The following COL7A1 variants were observed in gnomAD, a reference collection of about 807,000 sequenced individuals.
COL7A1 encodes the protein collagen alpha-1(VII) chain.
Under a neutral mutation model 456.2 loss-of-function variants are expected in COL7A1, and 296 were observed. The observed-to-expected ratio is 0.65, with a 90% CI of 0.59 to 0.71. The LOEUF is 0.71. Among genes scored for constraint, COL7A1 ranks in the 30% least tolerant of loss-of-function variants. The pLI is 0.00. For missense variants in COL7A1, 3,441 were observed against 4,017.2 expected (o/e 0.86, Z 3.88); for synonymous variants, 1,464 against 1,525.9 (o/e 0.96, Z 0.95).
rs1416957608 is a variant in COL7A1, at chr3:48,566,609, AC to A, written c.8305-47del. ...CAGGCTGTGACCTCTGACCTCAGGG[AC>A]AACAGAAGTCACCCCGATCTCTGAC... On this transcript the variant is annotated intron_variant, in intron 112 of 118. Coordinates refer to ENST00000681320, the MANE Select transcript of COL7A1 (RefSeq NM_000094.4). This position sits in a 1 kb window ranked among gnomAD's most constrained non-coding sequence, Gnocchi z 5.9. The A allele has an allele frequency of 6.2e-7, 1 of 1,614,116 alleles. No homozygotes were observed. The highest frequency in any genetic ancestry group is 1.7e-5 in the Admixed American group (1 of 60,018).
Position 48,586,499 on chromosome 3 carries a change from G to C in COL7A1, c.3404-21C>G. 3 of 1,613,764 alleles carry C rather than the reference G, an allele frequency of 1.9e-6. No individual in the cohort carries two copies. The highest frequency in any genetic ancestry group is 2.2e-5 in the East Asian group (1 of 44,882). The stretch of plus-strand genomic sequence containing the variant: ...TGTGCCTGGAAGGAAGGACATGTCA[G>C]AACCCTGGGGCACCAAGCTCCCAGT... On this transcript the variant is annotated intron_variant, in intron 26 of 118. Coordinates refer to ENST00000681320, the MANE Select transcript of COL7A1 (RefSeq NM_000094.4). This position sits in a 1 kb window ranked among gnomAD's most constrained non-coding sequence, Gnocchi z 5.1.
In COL7A1 at chr3:48,590,899, G is replaced by A; in HGVS notation, c.1637-83C>T. On this transcript the variant is annotated intron_variant, in intron 13 of 118. Coordinates refer to ENST00000681320, the MANE Select transcript of COL7A1 (RefSeq NM_000094.4). The surrounding 1 kb of genome is among the most constrained non-coding windows in gnomAD (Gnocchi z 4.6). Reference sequence around the variant, plus strand: ...GATGGCAGTGATGGACAGGGACGCAGAGTGAGAAGGGCCATGGGGGTGGGG... The same window carrying A: ...GATGGCAGTGATGGACAGGGACGCAAAGTGAGAAGGGCCATGGGGGTGGGG... The A allele has an allele frequency of 1.5e-6, 2 of 1,339,260 alleles. No homozygotes were observed. The highest frequency in any genetic ancestry group is 2.1e-6 in the Non-Finnish European group (2 of 960,694). The allele number at this position is 1,339,260 out of a possible 1,614,324, so 83.0% of individuals were successfully genotyped here. A position where few individuals can be genotyped will look rare whatever the true frequency, so the allele number is the denominator to read the frequency against.
Position 48,569,998 on chromosome 3 carries a change from G to A in COL7A1, c.7486-83C>T. On this transcript the variant is annotated intron_variant, in intron 99 of 118. Transcript: ENST00000681320. The surrounding 1 kb of genome is among the most constrained non-coding windows in gnomAD (Gnocchi z 4.9). ...GGATCAGGGGGAGGAGGGAAACAGT[G>A]GGGACCAGACAAAGGGGACAGGGGT... 2 of 1,603,242 alleles carry A rather than the reference G, an allele frequency of 1.2e-6. No homozygotes were observed. The highest frequency in any genetic ancestry group is 2.7e-5 in the African/African-American group (2 of 74,834).
Position 48,573,264 on chromosome 3 carries a change from G to A in COL7A1, c.6652-28C>T, listed in dbSNP as rs756083176. ...GGAGGAAGAGAAAGTTCAGGGCAGT[G>A]CCAACCCCACCCATCTCCCTATGAC... On this transcript the variant is annotated intron_variant, in intron 84 of 118. Coordinates refer to ENST00000681320, the MANE Select transcript of COL7A1 (RefSeq NM_000094.4). The surrounding 1 kb of genome is among the most constrained non-coding windows in gnomAD (Gnocchi z 5.5). 6 of 1,613,926 alleles carry A rather than the reference G, an allele frequency of 3.7e-6. No homozygotes were observed. The highest frequency in any genetic ancestry group is 1.6e-4 in the Middle Eastern group (1 of 6,084).
chr3:48,585,412 AAGTCTCTGT>A lies in COL7A1; in HGVS notation c.3894+136_3894+144del, dbSNP rs753326773. ...CCCTTCTATTTCAGAGTGTCCCCCA[AAGTCTCTGT>A]GGTGGTTTATAACCTCCAGCTGGGC... On this transcript the variant is annotated intron_variant, in intron 32 of 118. Coordinates refer to ENST00000681320, the MANE Select transcript of COL7A1 (RefSeq NM_000094.4). This position sits in a 1 kb window ranked among gnomAD's most constrained non-coding sequence, Gnocchi z 4.5. The A allele has an allele frequency of 3.1e-4, 311 of 990,190 alleles. 1 individual carries two copies. Among genetic ancestry groups the A allele is most frequent in the Non-Finnish European group, 4.7e-4 (297 of 637,188 alleles). 61.3% of individuals were successfully genotyped at this position (990,190 alleles called of 1,614,324 possible). A position where few individuals can be genotyped will look rare whatever the true frequency, so the allele number is the denominator to read the frequency against.
In COL7A1 at chr3:48,585,015, T is replaced by A; in HGVS notation, c.3975+21A>T. ...CACTCAGGCAGCGCCCACCCTGACC[T>A]GCAGGACAAGGCTTGCTCACCTTTA... On this transcript the variant is annotated intron_variant, in intron 33 of 118. Transcript: ENST00000681320. The surrounding 1 kb of genome is among the most constrained non-coding windows in gnomAD (Gnocchi z 4.5). 1 of 1,613,358 alleles carries A rather than the reference T, an allele frequency of 6.2e-7. No homozygotes were observed. The highest frequency in any genetic ancestry group is 1.1e-5 in the South Asian group (1 of 91,056).
rs2044552767 is a variant in COL7A1 at position 48,579,282 on chromosome 3, G to A, written c.5308-5C>T. ...CCCAGGGGGACCCCGGTCACCCTGT[G>A]GAAAATAGAGTGGTAAGAGGCCACC... On this transcript the variant is annotated splice_region_variant and splice_polypyrimidine_tract_variant and intron_variant, in intron 61 of 118. Coordinates refer to ENST00000681320, the MANE Select transcript of COL7A1 (RefSeq NM_000094.4). The surrounding 1 kb of genome is among the most constrained non-coding windows in gnomAD (Gnocchi z 4.4). The A allele has an allele frequency of 6.2e-7, 1 of 1,613,976 alleles. No homozygotes were observed. The highest frequency in any genetic ancestry group is 1.3e-5 in the African/African-American group (1 of 74,928).
Position 48,590,219 on chromosome 3 carries a change from G to C in COL7A1, c.2044C>G (p.Arg682Gly). The C allele has an allele frequency of 4.3e-6, 7 of 1,613,254 alleles. No individual in the cohort carries two copies. The highest frequency in any genetic ancestry group is 5.1e-6 in the Non-Finnish European group (6 of 1,179,842). The change falls in exon 16 of 119, where the codon CGA (arginine) becomes GGA (glycine). Residue 682 changes from arginine to glycine, a missense_variant. Physicochemically the swap from Arg to Gly is moderately radical, Grantham distance 125 (BLOSUM62 -2). Coordinates refer to ENST00000681320, the MANE Select transcript of COL7A1 (RefSeq NM_000094.4). This position sits in a 1 kb window ranked among gnomAD's most constrained non-coding sequence, Gnocchi z 4.6. ...EEGPAAVIVA[R>G]TDPLGPVRTV... ...GACGGGGGCAGGGCCTGACCCGTTC[G>C]AGCCACGATGACTGCAGCAGGGCCC...
chr3:48,586,709 A>T lies in COL7A1; in HGVS notation c.3277-20T>A. On this transcript the variant is annotated intron_variant, in intron 25 of 118. Transcript: ENST00000681320. The surrounding 1 kb of genome is among the most constrained non-coding windows in gnomAD (Gnocchi z 5.1). ...GCCAACCTGGGGTGGAAGGAAACACAGAGCCTGAGGAGGATGACAGAGCAG... is the reference window on the plus strand; with the variant it reads ...GCCAACCTGGGGTGGAAGGAAACACTGAGCCTGAGGAGGATGACAGAGCAG... 1.3e-6 allele frequency: 2 copies of T among 1,565,128 alleles called. No individual in the cohort carries two copies. The highest frequency in any genetic ancestry group is 1.7e-6 in the Non-Finnish European group (2 of 1,154,228).
Position 48,579,338 on chromosome 3 carries a change from C to T in COL7A1, c.5307+31G>A. 1 of 1,614,194 alleles carries T rather than the reference C, an allele frequency of 6.2e-7. No individual in the cohort carries two copies. The highest frequency in any genetic ancestry group is 8.5e-7 in the Non-Finnish European group (1 of 1,180,030). ...TGAGGTGGATCTGATAACCCAGGCTCATGTCCTGAGAAACCCCCACACCCT... is the reference window on the plus strand; with the variant it reads ...TGAGGTGGATCTGATAACCCAGGCTTATGTCCTGAGAAACCCCCACACCCT... On this transcript the variant is annotated intron_variant, in intron 61 of 118. Transcript: ENST00000681320. This position sits in a 1 kb window ranked among gnomAD's most constrained non-coding sequence, Gnocchi z 4.4.
At chr3:48,577,924 T>TG (rs1193623765) in intron 65 of COL7A1, among the ~76,000 whole-genome samples, 1 of 152,180 alleles carries the variant, frequency 6.6e-6, no homozygotes, top group Non-Finnish European at 1.5e-5. Context: ...TCCCAGCACT[T>TG]TAGGAGGCCG....
Position 48,579,520 on chromosome 3 carries a change from G to A in COL7A1, c.5236-5C>T. On this transcript the variant is annotated splice_polypyrimidine_tract_variant and splice_region_variant and intron_variant, in intron 59 of 118. Transcript: ENST00000681320. This position sits in a 1 kb window ranked among gnomAD's most constrained non-coding sequence, Gnocchi z 4.4. The stretch of plus-strand genomic sequence containing the variant: ...TCCCCGAAACCCTTCAATGCCCTGA[G>A]GATAGGGGAGGAAGAAATCAGAGCA... The A allele has an allele frequency of 6.2e-7, 1 of 1,613,978 alleles. No individual in the cohort carries two copies. The highest frequency in any genetic ancestry group is 8.5e-7 in the Non-Finnish European group (1 of 1,180,014).
At chr3:48,577,805 C>G (rs1358977441) in intron 65 of COL7A1, among the ~76,000 whole-genome samples, 1 of 152,214 alleles carries the variant, frequency 6.6e-6, no homozygotes, top group African/African-American at 2.4e-5. Flanking sequence ...GTCAGCCCAT[C>G]CTGGCATAAA....
In COL7A1 at chr3:48,567,852, C is replaced by T; in HGVS notation, c.7915G>A (p.Glu2639Lys). 6.2e-7 allele frequency: 1 copy of T among 1,614,138 alleles called. No homozygotes were observed. The highest frequency in any genetic ancestry group is 2.2e-5 in the East Asian group (1 of 44,872). The part of the protein sequence containing the change: ...GVKGACGLDG[E>K]KGDKGEAGPP... ...CCCCTCTGTACCTTGTCTCCCTTCT[C>T]TCCATCAAGGCCACAGGCTCCCTTC... Residue 2639 changes from glutamate to lysine, a missense_variant, in exon 107 of 119, where the codon GAG becomes AAG. Coordinates refer to ENST00000681320, the MANE Select transcript of COL7A1 (RefSeq NM_000094.4). This position sits in a 1 kb window ranked among gnomAD's most constrained non-coding sequence, Gnocchi z 4.3.
chr3:48,570,504 T>C lies in COL7A1; in HGVS notation c.7345-4A>G, dbSNP rs1215731374. 1 of 1,613,870 alleles carries C rather than the reference T, an allele frequency of 6.2e-7. No individual in the cohort carries two copies. Among genetic ancestry groups the C allele is most frequent in the Non-Finnish European group, 8.5e-7 (1 of 1,179,954 alleles). ...GTCCAGAGGCCCCAGGTGGTCCCTGTAGGTCAGAGTGAGGTGAGGGTCCTG... is the reference window on the plus strand; with the variant it reads ...GTCCAGAGGCCCCAGGTGGTCCCTGCAGGTCAGAGTGAGGTGAGGGTCCTG... On this transcript the variant is annotated splice_polypyrimidine_tract_variant and splice_region_variant and intron_variant, in intron 96 of 118. Transcript: ENST00000681320. The surrounding 1 kb of genome is among the most constrained non-coding windows in gnomAD (Gnocchi z 5.5).
chr3:48,579,563 AC>A lies in COL7A1; in HGVS notation c.5235+24del, dbSNP rs2044581299. 12 of 1,613,696 alleles carry A rather than the reference AC, an allele frequency of 7.4e-6. No individual in the cohort carries two copies. Among genetic ancestry groups the A allele is most frequent in the Non-Finnish European group, 1.0e-5 (12 of 1,179,960 alleles). ...TCAGAGCAGGCCCTCCCATGCCTGC[AC>A]CCCCGAGGACCAATCACACTCACCC... On this transcript the variant is annotated intron_variant, in intron 59 of 118. Coordinates refer to ENST00000681320, the MANE Select transcript of COL7A1 (RefSeq NM_000094.4). This position sits in a 1 kb window ranked among gnomAD's most constrained non-coding sequence, Gnocchi z 4.4.
At position 48,570,907 on chromosome 3, in the gene COL7A1, G is replaced by A. The variant is rs770615701; in HGVS notation, c.7226C>T (p.Thr2409Ile). 3.1e-6 allele frequency: 5 copies of A among 1,613,572 alleles called. No homozygotes were observed. In the East Asian group the frequency reaches 6.7e-5, roughly 22 times the overall value. The change falls in exon 95 of 119, where the codon ACA becomes ATA. Residue 2409 changes from threonine (T) to isoleucine (I), a missense_variant. Thr to Ile is a moderately conservative substitution (Grantham distance 89). Transcript: ENST00000681320. This position sits in a 1 kb window ranked among gnomAD's most constrained non-coding sequence, Gnocchi z 5.5. ...CTGACCCATCTCTCCTCGAGGGCCT[G>A]TCTGACCCGGGAACCCAACAACACC... is the stretch of plus-strand genomic sequence containing the variant. ...APGVVGFPGQ[T>I]GPRGEMGQPG...
At position 48,564,485 on chromosome 3, in the gene COL7A1, GAGGCACCGCCA is replaced by G. The variant is rs1489556629; in HGVS notation, c.8819-74_8819-64del. 3 of 1,599,700 alleles carry G rather than the reference GAGGCACCGCCA, an allele frequency of 1.9e-6. No individual in the cohort carries two copies. Among genetic ancestry groups the G allele is most frequent in the Admixed American group, 3.4e-5 (2 of 59,434 alleles). ...GACCTTCCCCGGAGACGCTCAGGCA[GAGGCACCGCCA>G]AGGGGAGGGAGCGGAGGCTACAACA... On this transcript the variant is annotated intron_variant, in intron 118 of 118. Transcript: ENST00000681320. The surrounding 1 kb of genome is among the most constrained non-coding windows in gnomAD (Gnocchi z 6.0).
rs1160924606 is a variant in COL7A1, at chr3:48,586,406, C to T, written c.3476G>A (p.Gly1159Glu). The change falls in exon 27 of 119, where the codon GGG becomes GAG. Residue 1159 changes from glycine to glutamate, a missense_variant. This residue lies in a region of COL7A1 where 2,084 missense variants were observed against 2,501.3 expected (regional missense o/e 0.83). Transcript: ENST00000681320. The surrounding 1 kb of genome is among the most constrained non-coding windows in gnomAD (Gnocchi z 5.1). Reference sequence around the variant, plus strand: ...TTCATCCACTAGCAGAACCATCACCCCTGGTACGTGCTGGCGGCGCCCAGG... The same window carrying T: ...TTCATCCACTAGCAGAACCATCACCTCTGGTACGTGCTGGCGGCGCCCAGG... ...DAPGRRQHVP[G>E]VMVLLVDEPL... 6.2e-7 allele frequency: 1 copy of T among 1,613,918 alleles called. No homozygotes were observed. Among genetic ancestry groups the T allele is most frequent in the Non-Finnish European group, 8.5e-7 (1 of 1,180,018 alleles).
Sources: gnomAD v4.1 joint callset for allele counts (sites outside exome capture counted in the v4.1 genomes callset) on GRCh38, gnomAD v4.1.1 for gene constraint, gnomAD v4.1.1 regional missense constraint, Gnocchi (gnomAD v3.1) non-coding constraint, MANE v1.5 for transcripts, NCBI Gene and HGNC (gene_info 2026-07-23, HGNC 2026-07-21) for gene names.